Variants in PARP6 observed in about 807,000 individuals in gnomAD.
The protein encoded by PARP6 is poly(ADP-ribose) polymerase family member 6.
A neutral mutation model predicts 92.0 loss-of-function variants in PARP6; 27 were observed. The observed-to-expected ratio is 0.29, with a 90% confidence interval of 0.22 to 0.40. The LOEUF is 0.40. Among genes scored for constraint, PARP6 ranks in the 10% least tolerant of loss-of-function variants. The probability of loss-of-function intolerance (pLI) is 1.00; values close to 1 mark genes in which losing one functional copy is unlikely to be tolerated. For missense variants in PARP6, 501 were observed against 784.5 expected (o/e 0.64, Z 4.32); for synonymous variants, 272 against 281.2 (o/e 0.97, Z 0.33).
chr15:72,249,585 G>A (rs1474406442), intron 19 of PARP6, among the ~76,000 whole-genome samples: 8 of 152,192 alleles, frequency 5.3e-5, no homozygotes, highest in African/African-American at 4.8e-5. Context: ...CTGTCTCCAG[G>A]CCTTGGTACA....
At chr15:72,266,084 C>T in intron 4 of PARP6, 93 bp from the exon 5 acceptor site, 1 of 865,874 alleles carries the variant, frequency 1.2e-6, no homozygotes, top group South Asian at 1.4e-5. Context: ...ACACCAGGAA[C>T]AGGAGAAATC....
Position 72,265,130 on chromosome 15 carries a change from A to T in PARP6, c.279T>A (p.Pro93=). Residue 93 remains proline, a synonymous_variant, in exon 7 of 24, where the codon CCT becomes CCA. Coordinates refer to ENST00000569795, the MANE Select transcript of PARP6 (RefSeq NM_001323532.2). ...STAWKVLRTE[P]IVLRLRFSLS... The stretch of plus-strand genomic sequence containing the variant: ...GAGAAAATCGCAGCCTCAACACAAT[A>T]GGTTCTGTCCGGAGGACCTTCCAGG... 1 of 1,613,746 alleles carries T rather than the reference A, an allele frequency of 6.2e-7. No individual in the cohort carries two copies. Among genetic ancestry groups the T allele is most frequent in the Non-Finnish European group, 8.5e-7 (1 of 1,179,662 alleles).
rs1412280814 is a variant in PARP6, at chr15:72,267,538, A to G, written c.-61T>C. On this transcript the variant is annotated 5_prime_UTR_variant, in exon 3 of 24. Coordinates refer to ENST00000569795, the MANE Select transcript of PARP6 (RefSeq NM_001323532.2). ...CTAGGCAGCACCCCTCCATACCACT[A>G]GCCGAACCAAGGCCAACGAGATGGG... is the stretch of plus-strand genomic sequence containing the variant. The G allele has an allele frequency of 8.1e-6, 13 of 1,599,360 alleles. No individual in the cohort carries two copies. In the South Asian group the frequency reaches 1.3e-4, roughly 16 times the overall value.
chr15:72,257,956 C>T (rs2085343951), intron 12 of PARP6, 81 bp downstream of exon 12: 4 of 1,018,596 alleles, frequency 3.9e-6, no homozygotes, highest in South Asian at 2.5e-5. Flanking sequence ...ACCTTGACCA[C>T]AGACCAAGGA....
intron 16 of PARP6, 90 bp from the exon 17 acceptor site, chr15:72,251,345 G>A: frequency 1.3e-6 from 1 of 769,648 alleles, no homozygotes; most frequent in Non-Finnish European, 2.1e-6. Context: ...TCTGCCTTTG[G>A]GAGAATAAAC....
At chr15:72,271,523 A>G (rs1252689854) in intron 1 of PARP6, among the ~76,000 whole-genome samples, 1 of 152,216 alleles carries the variant, frequency 6.6e-6, no homozygotes, top group Non-Finnish European at 1.5e-5. Flanking sequence ...TTAAAAAATT[A>G]GCCGGAAACG....
intron 8 of PARP6, among the ~76,000 whole-genome samples, chr15:72,264,075 C>G (rs1200157619): frequency 6.6e-6 from 1 of 151,692 alleles, no homozygotes; most frequent in African/African-American, 2.4e-5. Context: ...CAGACTGAGT[C>G]ACTCTTCAGT....
At chr15:72,266,162 G>C (rs2086566041) in intron 4 of PARP6, among the ~76,000 whole-genome samples, 171 bp from the exon 5 acceptor site, 1 of 152,174 alleles carries the variant, frequency 6.6e-6, no homozygotes, top group African/African-American at 2.4e-5. Flanking sequence ...CCTAGCAAGG[G>C]ATTTCATTAA....
intron 2 of PARP6, among the ~76,000 whole-genome samples, chr15:72,269,293 T>A (rs1018819582): frequency 6.6e-6 from 1 of 152,166 alleles, no homozygotes; most frequent in African/African-American, 2.4e-5. Context: ...CCCACGTAGC[T>A]GGGATTATAG....
intron 20 of PARP6, chr15:72,245,684 G>T (rs1217634527): frequency 6.6e-6 from 1 of 152,190 alleles, no homozygotes. Context: ...ACTGCATTTT[G>T]TATCTATAAT....
At chr15:72,255,372 C>T (rs2084932889) in intron 14 of PARP6, among the ~76,000 whole-genome samples, 1 of 152,104 alleles carries the variant, frequency 6.6e-6, no homozygotes, top group African/African-American at 2.4e-5. Context: ...CATGCCTCAG[C>T]CTCCCAAGTA....
intron 18 of PARP6, chr15:72,250,468 A>C: frequency 3.2e-6 from 1 of 310,240 alleles, no homozygotes; most frequent in South Asian, 4.4e-5. Context: ...TTCTATTTTA[A>C]GAAAAGGGTA....
At chr15:72,261,768 AAG>A in intron 8 of PARP6, 61 bp from the exon 9 acceptor site, 1 of 1,509,596 alleles carries the variant, frequency 6.6e-7, no homozygotes, top group Middle Eastern at 1.7e-4. Flanking sequence ...ATAAGGACTA[AAG>A]AGAGACAAAT....
chr15:72,260,414 A>ACACTCCCACAGTTC, intron 10 of PARP6, 64 bp downstream of exon 10: 2 of 1,334,904 alleles, frequency 1.5e-6, no homozygotes, highest in Non-Finnish European at 2.1e-6. Context: ...TTGAGAAACT[A>ACACTCCCACAGTTC]CACTCCCACA....
At chr15:72,260,009 A>C (rs764421622) in intron 10 of PARP6, among the ~76,000 whole-genome samples, 2 of 152,176 alleles carry the variant, frequency 1.3e-5, no homozygotes, top group Non-Finnish European at 2.9e-5. Context: ...CAATTTAGAC[A>C]TAAGTTTTCT....
At chr15:72,266,037 G>A (rs371317952) in intron 4 of PARP6, 46 bp from the exon 5 acceptor site, 27 of 1,167,974 alleles carry the variant, frequency 2.3e-5, no homozygotes, top group African/African-American at 1.7e-4. Flanking sequence ...GGAAAAAGAC[G>A]AGGGAAAGAG....
Position 72,242,343 on chromosome 15 carries a change from C to G in PARP6, c.1642-123G>C. 1.4e-6 allele frequency: 1 copy of G among 740,174 alleles called. No individual in the cohort carries two copies. The highest frequency in any genetic ancestry group is 1.6e-5 in the South Asian group (1 of 61,958). 45.9% of individuals were successfully genotyped at this position (740,174 alleles called of 1,614,324 possible). On this transcript the variant is annotated intron_variant, in intron 21 of 23. Coordinates refer to ENST00000569795, the MANE Select transcript of PARP6 (RefSeq NM_001323532.2). This position sits in a 1 kb window ranked among gnomAD's most constrained non-coding sequence, Gnocchi z 4.3. ...GATATCCTGGGCTCCCAGCAACACC[C>G]CTCGCCGCCCAGAAAATTCTTCTTT...
At chr15:72,262,711 C>A (rs921210246) in intron 8 of PARP6, among the ~76,000 whole-genome samples, 7 of 152,162 alleles carry the variant, frequency 4.6e-5, no homozygotes, top group Admixed American at 6.6e-5. Context: ...CTCCCAGGTT[C>A]TTCTCTTATC....
chr15:72,254,908 G>A (rs933852556), intron 14 of PARP6, among the ~76,000 whole-genome samples: 4 of 152,182 alleles, frequency 2.6e-5, no homozygotes, highest in African/African-American at 7.2e-5. Context: ...TGGGCCATGA[G>A]GTACCCACTC....
Sources: allele counts gnomAD v4.1 joint callset (sites outside exome capture counted in the v4.1 genomes callset), GRCh38; gene constraint gnomAD v4.1.1; non-coding constraint Gnocchi (gnomAD v3.1); transcripts MANE v1.5; gene names NCBI Gene and HGNC (gene_info 2026-07-23, HGNC 2026-07-21).